ACSS2: variants seen among roughly 807,000 people sequenced by gnomAD.
ACSS2 encodes the protein acyl-CoA synthetase short chain family member 2.
A neutral mutation model predicts 90.6 loss-of-function variants in ACSS2; 58 were observed. The observed-to-expected ratio is 0.64, with a 90% CI of 0.52 to 0.80. The LOEUF is 0.80. Ranked by LOEUF, ACSS2 falls within the 30% of genes least tolerant of loss-of-function variation. The pLI is 0.00. For synonymous variants in ACSS2, 300 were observed against 330.9 expected (o/e 0.91, Z 1.01); for missense variants, 759 against 912.0 (o/e 0.83, Z 2.16).
chr20:34,888,370 T>TA (rs199693367), intron 2 of ACSS2, among the ~76,000 whole-genome samples: 17 of 151,280 alleles, frequency 1.1e-4, no homozygotes, highest in East Asian at 7.7e-4. Flanking sequence ...TTGAATAGGA[T>TA]AAAAAAAAAC....
At chr20:34,923,216 G>T in intron 13 of ACSS2, 107 bp from the exon 14 acceptor site, 1 of 808,066 alleles carries the variant, frequency 1.2e-6, no homozygotes, top group Non-Finnish European at 2.1e-6. Flanking sequence ...TGTCTCCAAA[G>T]CCTGTACTTC....
intron 13 of ACSS2, 55 bp downstream of exon 13, chr20:34,921,921 G>C (rs974235494): frequency 6.4e-7 from 1 of 1,567,194 alleles, no homozygotes; most frequent in South Asian, 1.2e-5. Context: ...GTCTGCCAAG[G>C]GTACTTTGCT....
intron 1 of ACSS2, 126 bp from the exon 2 acceptor site, chr20:34,882,666 AGG>A: frequency 1.3e-6 from 1 of 769,332 alleles, no homozygotes; most frequent in South Asian, 1.9e-5. Context: ...CAGGTAAAGA[AGG>A]GACCCAGGTG....
Position 34,885,768 on chromosome 20 carries a change from G to A in ACSS2, c.374+2779G>A, listed in dbSNP as rs533228504. ...AGCAGTATTCCATGGAACACCCACT[G>A]GGGAAGCACTGGATTAAATAATCTC... On this transcript the variant is annotated intron_variant, in intron 2 of 17. Coordinates refer to ENST00000360596, the MANE Select transcript of ACSS2 (RefSeq NM_018677.4). 1.4e-3 allele frequency among the ~76,000 whole-genome samples: 216 copies of A among 152,246 alleles called. 1 individual carries two copies. Among genetic ancestry groups the A allele is most frequent in the African/African-American group, 5.0e-3 (207 of 41,514 alleles).
chr20:34,894,878 A>G (rs186716390), intron 2 of ACSS2, among the ~76,000 whole-genome samples: 1 of 152,324 alleles, frequency 6.6e-6, no homozygotes, highest in East Asian at 1.9e-4. Context: ...ATGACTCCAT[A>G]TTCAGAGCCA....
At chr20:34,904,909 T>TC in intron 2 of ACSS2, among the ~76,000 whole-genome samples, 1 of 146,014 alleles carries the variant, frequency 6.8e-6, no homozygotes, top group East Asian at 2.0e-4. Context: ...TTAAACCTTT[T>TC]TTTTTTTTTT....
chr20:34,921,204 A>T, intron 10 of ACSS2, 65 bp downstream of exon 10: 1 of 1,610,716 alleles, frequency 6.2e-7, no homozygotes, highest in Non-Finnish European at 8.5e-7. Context: ...GCCTTTGTAC[A>T]GTCTCTTCTT....
rs183063922 is a variant in ACSS2, at chr20:34,927,276, C to T, written c.*62C>T. 6.3e-7 allele frequency: 1 copy of T among 1,599,968 alleles called. No homozygotes were observed. The highest frequency in any genetic ancestry group is 1.3e-5 in the African/African-American group (1 of 74,894). On this transcript the variant is annotated 3_prime_UTR_variant, in exon 18 of 18. Coordinates refer to ENST00000360596, the MANE Select transcript of ACSS2 (RefSeq NM_018677.4). This position sits in a 1 kb window ranked among gnomAD's most constrained non-coding sequence, Gnocchi z 4.2. ...CCAAACTTTGCCCATCCTCTTTGCC[C>T]CCTCAGGAGTGCTGAGGGCCAGTGT...
At chr20:34,894,432 G>A (rs543391331) in intron 2 of ACSS2, among the ~76,000 whole-genome samples, 8 of 152,294 alleles carry the variant, frequency 5.3e-5, no homozygotes, top group Non-Finnish European at 7.4e-5. Context: ...AGAGGTTGAA[G>A]TGAGCCAAGA....
Position 34,920,565 on chromosome 20 carries a change from C to T in ACSS2, c.999C>T (p.Tyr333=), listed in dbSNP as rs1162677484. The change falls in exon 9 of 18, where the codon TAC becomes TAT. Residue 333 remains tyrosine, a synonymous_variant. Transcript: ENST00000360596. ...GTGTGGTTCACACAGTTGGGGGCTA[C>T]ATGCTCTATGTAGCCACAACCTTCA... ...PKGVVHTVGG[Y]MLYVATTFKY... The T allele has an allele frequency of 6.2e-7, 1 of 1,614,152 alleles. No individual in the cohort carries two copies. The highest frequency in any genetic ancestry group is 8.5e-7 in the Non-Finnish European group (1 of 1,180,010).
chr20:34,905,493 C>T (rs906469976), intron 2 of ACSS2, among the ~76,000 whole-genome samples: 1 of 152,164 alleles, frequency 6.6e-6, no homozygotes, highest in African/African-American at 2.4e-5. Context: ...ATCTCCTGAC[C>T]TCATGATCCG....
At position 34,927,305 on chromosome 20, in the gene ACSS2, C is replaced by A; in HGVS notation, c.*91C>A. 6.6e-7 allele frequency: 1 copy of A among 1,521,710 alleles called. No homozygotes were observed. Among genetic ancestry groups the A allele is most frequent in the South Asian group, 1.1e-5 (1 of 87,218 alleles). The allele number at this position is 1,521,710 out of a possible 1,614,324, so 94.3% of individuals were successfully genotyped here. ...CAGGAGTGCTGAGGGCCAGTGTTGA[C>A]CCACACTACCCTCCCTTGACCAGCT... is the stretch of plus-strand genomic sequence containing the variant. On this transcript the variant is annotated 3_prime_UTR_variant, in exon 18 of 18. Coordinates refer to ENST00000360596, the MANE Select transcript of ACSS2 (RefSeq NM_018677.4). The surrounding 1 kb of genome is among the most constrained non-coding windows in gnomAD (Gnocchi z 4.2).
intron 2 of ACSS2, among the ~76,000 whole-genome samples, chr20:34,897,021 C>T (rs901815834): frequency 5.8e-5 from 8 of 138,288 alleles, no homozygotes; most frequent in African/African-American, 2.1e-4. Flanking sequence ...CAGAGCTAGA[C>T]TGTCTCAAAA....
chr20:34,904,032 G>T (rs1397977292), intron 2 of ACSS2, among the ~76,000 whole-genome samples: 1 of 152,066 alleles, frequency 6.6e-6, no homozygotes, highest in Non-Finnish European at 1.5e-5. Context: ...CCCTCCAAGA[G>T]CTCAGGGTAT....
chr20:34,906,074 A>G (rs3787215), intron 2 of ACSS2, among the ~76,000 whole-genome samples: 103,716 of 152,064 alleles, frequency 0.68, 37,391 homozygotes, highest in African/African-American at 0.92. Flanking sequence ...GGTGGCTCAC[A>G]CCTGTAATCC....
intron 2 of ACSS2, among the ~76,000 whole-genome samples, chr20:34,885,053 A>G (rs2080156938): frequency 1.3e-5 from 2 of 151,812 alleles, no homozygotes; most frequent in South Asian, 2.1e-4. Flanking sequence ...GACAAAAATT[A>G]GCTGGGCATG....
At chr20:34,883,247 G>A (rs2080109478) in intron 2 of ACSS2, among the ~76,000 whole-genome samples, 1 of 152,176 alleles carries the variant, frequency 6.6e-6, no homozygotes, top group South Asian at 2.1e-4. Flanking sequence ...GCAAATGGAA[G>A]AGAACAAGAC....
chr20:34,914,332 A>C lies in ACSS2; in HGVS notation c.729A>C (p.Pro243=), dbSNP rs771303170. Residue 243 remains proline, a synonymous_variant, in exon 7 of 18, where the codon CCA becomes CCC. Coordinates refer to ENST00000360596, the MANE Select transcript of ACSS2 (RefSeq NM_018677.4). ...ALQKCQEKGF[P]VRCCIVVKHL... ...CTTTTCTCTTCTCCAGGGGTTTCCC[A>C]GTAAGATGCTGCATTGTGGTCAAGC... 1.9e-6 allele frequency: 3 copies of C among 1,613,072 alleles called. No individual in the cohort carries two copies. The African/African-American group carries it at 4.0e-5, about 22-fold the overall frequency.
intron 13 of ACSS2, chr20:34,922,844 A>C (rs1348922141): frequency 6.3e-6 from 1 of 159,456 alleles, no homozygotes; most frequent in African/African-American, 2.4e-5. Flanking sequence ...CTCAGCCTAG[A>C]ATTCCATCCA....
Sources: allele counts gnomAD v4.1 joint callset (sites outside exome capture counted in the v4.1 genomes callset), GRCh38; gene constraint gnomAD v4.1.1; non-coding constraint Gnocchi (gnomAD v3.1); transcripts MANE v1.5; gene names NCBI Gene and HGNC (gene_info 2026-07-23, HGNC 2026-07-21).